The following RNF32 variants were observed in gnomAD, a reference collection of about 807,000 sequenced individuals.
The protein encoded by RNF32 is ring finger protein 32.
A neutral mutation model predicts 41.0 loss-of-function variants in RNF32; 36 were observed. The ratio of observed to expected loss-of-function variants is 0.88; its 90% confidence interval spans 0.67 to 1.16. The LOEUF (loss-of-function observed/expected upper bound fraction) is 1.16, where lower values mean the gene tolerates loss of function less well. Ranked by LOEUF, RNF32 falls within the 50% of genes most tolerant of loss-of-function variation. RNF32 has a pLI of 0.00. For synonymous variants in RNF32, 154 were observed against 160.9 expected (o/e 0.96, Z 0.32); for missense variants, 413 against 436.7 (o/e 0.95, Z 0.48).
chr7:156,676,194 G>A (rs1803961281), intron 8 of RNF32: 1 of 1,360,788 alleles, frequency 7.3e-7, no homozygotes, highest in South Asian at 1.4e-5. Context: ...TATCACAGGT[G>A]GGTTACTAAC....
intron 3 of RNF32, among the ~76,000 whole-genome samples, chr7:156,645,329 G>A (rs1488690553): frequency 1.3e-5 from 2 of 152,224 alleles, no homozygotes; most frequent in Non-Finnish European, 2.9e-5. Flanking sequence ...TAACGCACGG[G>A]CCAGCATCAT....
At chr7:156,642,349 A>G (rs75135281) in intron 1 of RNF32, among the ~76,000 whole-genome samples, 2,188 of 152,324 alleles carry the variant, frequency 0.014, 40 homozygotes, top group African/African-American at 0.049. Context: ...TATGAGCTCT[A>G]CATTTAAGAA....
At chr7:156,651,307 G>A (rs867302987) in intron 3 of RNF32, among the ~76,000 whole-genome samples, 6 of 150,392 alleles carry the variant, frequency 4.0e-5, no homozygotes, top group African/African-American at 7.4e-5. Flanking sequence ...TCCACCTCCC[G>A]GGTTCAAGCG....
At position 156,675,877 on chromosome 7, in the gene RNF32, G is replaced by A. The variant is rs1458362611; in HGVS notation, c.852+14G>A. 7 of 1,608,280 alleles carry A rather than the reference G, an allele frequency of 4.4e-6. No individual in the cohort carries two copies. In the Admixed American group the frequency reaches 1.0e-4, roughly 23 times the overall value. ...ATCCAAGTGCAGGTAGGTTTGGCTGGCAGCCTGGCAACCAGCAGACTCAGC... is the reference window on the plus strand; with the variant it reads ...ATCCAAGTGCAGGTAGGTTTGGCTGACAGCCTGGCAACCAGCAGACTCAGC... On this transcript the variant is annotated intron_variant, in intron 8 of 8. Transcript: ENST00000317955.
chr7:156,656,683 T>C (rs1274201324), intron 4 of RNF32, among the ~76,000 whole-genome samples: 2 of 152,254 alleles, frequency 1.3e-5, no homozygotes, highest in Non-Finnish European at 2.9e-5. Flanking sequence ...CCGGCTGAGA[T>C]TGAAACCTCA....
At chr7:156,660,057 GTTTT>G in intron 7 of RNF32, 1 of 985,714 alleles carries the variant, frequency 1.0e-6, no homozygotes, top group Non-Finnish European at 1.2e-6. Flanking sequence ...CACAAATACT[GTTTT>G]TTGTTTTATC....
At chr7:156,648,818 T>C (rs547138816) in intron 3 of RNF32, among the ~76,000 whole-genome samples, 6 of 152,366 alleles carry the variant, frequency 3.9e-5, no homozygotes, top group African/African-American at 1.4e-4. Context: ...TTGTTTTATA[T>C]TGAATACAAT....
intron 5 of RNF32, 121 bp downstream of exon 5, chr7:156,657,694 ATAGT>A (rs1264235096): frequency 4.4e-6 from 4 of 909,142 alleles, no homozygotes; most frequent in Non-Finnish European, 7.4e-6. Context: ...ACCACCATCT[ATAGT>A]TAAAGAAACA....
intron 7 of RNF32, 36 bp from the exon 8 acceptor site, chr7:156,675,660 C>T: frequency 6.3e-7 from 1 of 1,589,724 alleles, no homozygotes; most frequent in Admixed American, 1.7e-5. Context: ...CCACCGAGCT[C>T]AGGTGTGAGC....
intron 4 of RNF32, chr7:156,654,990 G>A: frequency 3.9e-6 from 1 of 254,258 alleles, no homozygotes; most frequent in Non-Finnish European, 7.5e-6. Context: ...ATGCGGCTGT[G>A]CAGACAACTG....
intron 7 of RNF32, among the ~76,000 whole-genome samples, chr7:156,672,173 C>A (rs1433026543): frequency 6.6e-6 from 1 of 152,134 alleles, no homozygotes; most frequent in Non-Finnish European, 1.5e-5. Context: ...TGTTAAGGGC[C>A]ACCCTCCCTG....
intron 7 of RNF32, chr7:156,659,490 G>A: frequency 1.0e-6 from 1 of 985,368 alleles, no homozygotes; most frequent in Non-Finnish European, 1.2e-6. Flanking sequence ...GTCGTTGACA[G>A]TCAGTTGTGT....
In RNF32 at chr7:156,644,494, T is replaced by G. The variant is rs751377843; in HGVS notation, c.16-5T>G. ...TCTAAATATGACTTTTTTCCTACTT[T>G]TTAGGGTCACTCATCTAAGAAAGAT... is the stretch of plus-strand genomic sequence containing the variant. On this transcript the variant is annotated splice_polypyrimidine_tract_variant and splice_region_variant and intron_variant, in intron 2 of 8. Coordinates refer to ENST00000317955, the MANE Select transcript of RNF32 (RefSeq NM_030936.4). 7 of 1,606,062 alleles carry G rather than the reference T, an allele frequency of 4.4e-6. No individual in the cohort carries two copies. The African/African-American group carries it at 9.4e-5, about 22-fold the overall frequency.
intron 7 of RNF32, among the ~76,000 whole-genome samples, chr7:156,660,532 A>G (rs1295827179): frequency 6.6e-6 from 1 of 152,164 alleles, no homozygotes; most frequent in Non-Finnish European, 1.5e-5. Context: ...ATTTTTATTT[A>G]GAGACAGGGT....
At chr7:156,652,299 T>A (rs1381138081) in intron 3 of RNF32, among the ~76,000 whole-genome samples, 1 of 152,182 alleles carries the variant, frequency 6.6e-6, no homozygotes, top group Non-Finnish European at 1.5e-5. Context: ...ATTCTCACAG[T>A]GACGGGATTC....
chr7:156,650,132 T>G (rs1464914932), intron 3 of RNF32, among the ~76,000 whole-genome samples: 2 of 152,200 alleles, frequency 1.3e-5, no homozygotes, highest in Non-Finnish European at 2.9e-5. Context: ...ATGGTGTGTG[T>G]CATTGTTCAC....
chr7:156,672,918 G>A (rs1802881794), intron 7 of RNF32, among the ~76,000 whole-genome samples: 1 of 152,234 alleles, frequency 6.6e-6, no homozygotes, highest in Non-Finnish European at 1.5e-5. Flanking sequence ...TCTTAAACCT[G>A]AATGGGCCTC....
At chr7:156,666,785 A>G (rs1801399032) in intron 7 of RNF32, among the ~76,000 whole-genome samples, 1 of 152,224 alleles carries the variant, frequency 6.6e-6, no homozygotes. Flanking sequence ...CCCAGAATGC[A>G]GCGGCTAGGC....
intron 7 of RNF32, among the ~76,000 whole-genome samples, chr7:156,671,515 CATT>C (rs1366697339): frequency 6.6e-6 from 1 of 152,190 alleles, no homozygotes; most frequent in African/African-American, 2.4e-5. Context: ...ACAAATATAT[CATT>C]ATAAAAACTG....
Sources: allele counts gnomAD v4.1 joint callset (sites outside exome capture counted in the v4.1 genomes callset), GRCh38; gene constraint gnomAD v4.1.1; transcripts MANE v1.5; gene names NCBI Gene and HGNC (gene_info 2026-07-23, HGNC 2026-07-21).